Variants in TNFRSF25 observed in about 807,000 individuals in gnomAD.
TNFRSF25 encodes tumor necrosis factor receptor superfamily member 25.
A neutral mutation model predicts 49.4 loss-of-function variants in TNFRSF25; 28 were observed. That is an observed-to-expected ratio of 0.57 (90% CI 0.42 to 0.78). TNFRSF25 has a LOEUF of 0.78. TNFRSF25 is among the 30% of genes least tolerant of loss of function. The pLI, the probability that TNFRSF25 is intolerant of heterozygous loss-of-function variation, is 0.00. For missense variants in TNFRSF25, 531 were observed against 581.6 expected, an observed-to-expected ratio of 0.91 and a Z score of 0.90; for synonymous variants, 240 against 234.2, an observed-to-expected ratio of 1.02 and a Z score of -0.23.
At chr1:6,463,406 T>C in intron 5 of TNFRSF25, 3 of 545,616 alleles carry the variant, frequency 5.5e-6, no homozygotes, top group Middle Eastern at 4.9e-4. Flanking sequence ...TAGAACAGTG[T>C]GTAGAACATA....
rs45599832 is a variant in TNFRSF25, at chr1:6,464,307, G to T, written c.542+68C>A. On this transcript the variant is annotated intron_variant, in intron 5 of 9. Transcript: ENST00000356876. ...TCCTATTCCTGAACCAGCAGCACCT[G>T]CCCCACCCCAGGCCCCTGCTCTGCT... 1.4e-3 allele frequency: 2,243 copies of T among 1,554,838 alleles called. 25 individuals carry two copies. In the African/African-American group the frequency reaches 0.027, roughly 19 times the overall value.
chr1:6,462,620 G>A lies in TNFRSF25; in HGVS notation c.744+9C>T, dbSNP rs202239674. The A allele has an allele frequency of 1.7e-5, 27 of 1,612,854 alleles. No individual in the cohort carries two copies. Among genetic ancestry groups the A allele is most frequent in the Non-Finnish European group, 2.3e-5 (27 of 1,179,424 alleles). On this transcript the variant is annotated intron_variant, in intron 8 of 9. Coordinates refer to ENST00000356876, the MANE Select transcript of TNFRSF25 (RefSeq NM_003790.3). This position sits in a 1 kb window ranked among gnomAD's most constrained non-coding sequence, Gnocchi z 4.2. ...AAGGCAGCCCAGAATCACACAGTGA[G>A]GTTCTTACCGGTGGTGGGGTCAGAG...
Position 6,465,464 on chromosome 1 carries a change from A to G in TNFRSF25, c.136T>C (p.Phe46Leu), listed in dbSNP as rs758036486. 16 of 1,613,972 alleles carry G rather than the reference A, an allele frequency of 9.9e-6. No homozygotes were observed. Among genetic ancestry groups the G allele is most frequent in the Non-Finnish European group, 1.4e-5 (16 of 1,179,984 alleles). Residue 46 changes from phenylalanine (F) to leucine (L), a missense_variant, in exon 2 of 10, where the codon TTT (phenylalanine) becomes CTT (leucine). Phe to Leu is a conservative substitution (Grantham distance 22). Coordinates refer to ENST00000356876, the MANE Select transcript of TNFRSF25 (RefSeq NM_003790.3). Reference protein sequence around the residue: ...AGDFHKKIGLFCCRGCPAGHY... With the variant: ...AGDFHKKIGLLCCRGCPAGHY... ...CCCGCTGGGCAGCCTCTGCAACAAA[A>G]CAGACCAATCTTCTTGTGGAAGTCA... is the stretch of plus-strand genomic sequence containing the variant.
At chr1:6,465,730 C>CCG in intron 1 of TNFRSF25, 170 bp from the exon 2 acceptor site, 1 of 1,433,770 alleles carries the variant, frequency 7.0e-7, no homozygotes, top group African/African-American at 1.4e-5. Context: ...TTCCTTCCCC[C>CCG]CGCGCACACA....
chr1:6,462,965 A>G lies in TNFRSF25; in HGVS notation c.604T>C (p.Trp202Arg). The change falls in exon 7 of 10, where the codon TGG becomes CGG. Residue 202 changes from tryptophan to arginine, a missense_variant. Coordinates refer to ENST00000356876, the MANE Select transcript of TNFRSF25 (RefSeq NM_003790.3). This position sits in a 1 kb window ranked among gnomAD's most constrained non-coding sequence, Gnocchi z 4.2. ...AAVCGWRQMF[W>R]VQVLLAGLVV... The stretch of plus-strand genomic sequence containing the variant: ...AGGCCAGCCAGGAGCACCTGGACCC[A>G]GAACACTGAAAGCAGCTGGTGGGTG... 4 of 1,593,244 alleles carry G rather than the reference A, an allele frequency of 2.5e-6. No homozygotes were observed. Among genetic ancestry groups the G allele is most frequent in the Non-Finnish European group, 3.4e-6 (4 of 1,169,440 alleles).
Position 6,461,963 on chromosome 1 carries a change from G to C in TNFRSF25, c.925+31C>G, listed in dbSNP as rs371074429. 7.6e-6 allele frequency: 12 copies of C among 1,577,398 alleles called. No individual in the cohort carries two copies. The highest frequency in any genetic ancestry group is 9.4e-6 in the Non-Finnish European group (11 of 1,164,678). ...TTCCCACCGCAGACAGGAGAATGGGGTCAAGGCCTCAGGCCACTGATGTCC... is the reference window on the plus strand; with the variant it reads ...TTCCCACCGCAGACAGGAGAATGGGCTCAAGGCCTCAGGCCACTGATGTCC... On this transcript the variant is annotated intron_variant, in intron 9 of 9. Coordinates refer to ENST00000356876, the MANE Select transcript of TNFRSF25 (RefSeq NM_003790.3). This position sits in a 1 kb window ranked among gnomAD's most constrained non-coding sequence, Gnocchi z 6.3.
At chr1:6,466,030 G>A (rs1427631745) in intron 1 of TNFRSF25, 39 bp downstream of exon 1, 5 of 1,563,956 alleles carry the variant, frequency 3.2e-6, no homozygotes, top group Non-Finnish European at 4.3e-6. Flanking sequence ...CTTGGGACAG[G>A]GCTCAAAGCT....
Position 6,461,104 on chromosome 1 carries a change from G to C in TNFRSF25, c.*330C>G, listed in dbSNP as rs1644156947. ...GTCCCCTTCGAATCCCTCGAGAAAA[G>C]TCCAGTCCACTTAACACCCCAGCCC... On this transcript the variant is annotated 3_prime_UTR_variant, in exon 10 of 10. Transcript: ENST00000356876. This position sits in a 1 kb window ranked among gnomAD's most constrained non-coding sequence, Gnocchi z 6.3. 3 of 559,858 alleles carry C rather than the reference G, an allele frequency of 5.4e-6. No individual in the cohort carries two copies. 34.7% of individuals were successfully genotyped at this position (559,858 alleles called of 1,614,324 possible).
chr1:6,464,343 C>G, intron 5 of TNFRSF25, 32 bp downstream of exon 5: 1 of 1,585,250 alleles, frequency 6.3e-7, no homozygotes, highest in Non-Finnish European at 8.6e-7. Context: ...CCCAGCCGCC[C>G]TTCCCTCCAT....
chr1:6,461,662 G>A lies in TNFRSF25; in HGVS notation c.1026C>T (p.Val342=), dbSNP rs1644175997. ...GPQLYDVMDA[V]PARRWKEFVR... ...CGAACTCCTTCCAGCGCCGCGCTGG[G>A]ACCGCGTCCATCACGTCGTAGAGCT... Residue 342 remains valine (V), a synonymous_variant, in exon 10 of 10, where the codon GTC becomes GTT. Transcript: ENST00000356876. This position sits in a 1 kb window ranked among gnomAD's most constrained non-coding sequence, Gnocchi z 6.3. 2 of 1,600,122 alleles carry A rather than the reference G, an allele frequency of 1.2e-6. No individual in the cohort carries two copies. The highest frequency in any genetic ancestry group is 1.7e-6 in the Non-Finnish European group (2 of 1,177,296).
chr1:6,465,019 G>A (rs987081214), intron 3 of TNFRSF25, 69 bp downstream of exon 3: 275 of 1,558,792 alleles, frequency 1.8e-4, no homozygotes, highest in Middle Eastern at 3.7e-4. Context: ...GTTTGGGCCC[G>A]AGCCAGCCAC....
In TNFRSF25 at chr1:6,464,602, CAGT is replaced by C; in HGVS notation, c.410_412del (p.Tyr137del). On this transcript the variant is annotated inframe_deletion, in exon 4 of 10. Transcript: ENST00000356876. ...GGCCCCGCAGTCTAGGCATGGTTGG[CAGT>C]AGAAGGGTGAACTGCTGACACATTG... The C allele has an allele frequency of 7.4e-6, 12 of 1,614,108 alleles. No homozygotes were observed. The highest frequency in any genetic ancestry group is 1.0e-5 in the Non-Finnish European group (12 of 1,180,032).
At position 6,462,679 on chromosome 1, in the gene TNFRSF25, G is replaced by C; in HGVS notation, c.707-13C>G. ...CCAGCTTCATCTGCTGACAGACACA[G>C]AGAGATTGCGGTCAGCCACCAGGCA... is the stretch of plus-strand genomic sequence containing the variant. On this transcript the variant is annotated splice_polypyrimidine_tract_variant and intron_variant, in intron 7 of 9. Coordinates refer to ENST00000356876, the MANE Select transcript of TNFRSF25 (RefSeq NM_003790.3). The surrounding 1 kb of genome is among the most constrained non-coding windows in gnomAD (Gnocchi z 4.2). The C allele has an allele frequency of 6.2e-7, 1 of 1,613,406 alleles. No homozygotes were observed. Among genetic ancestry groups the C allele is most frequent in the Non-Finnish European group, 8.5e-7 (1 of 1,179,606 alleles).
rs1059334 is a variant in TNFRSF25 at position 6,461,581 on chromosome 1, G to A, written c.1107C>T (p.Gly369=). The A allele has an allele frequency of 6.2e-7, 1 of 1,610,474 alleles. No individual in the cohort carries two copies. Among genetic ancestry groups the A allele is most frequent in the Non-Finnish European group, 8.5e-7 (1 of 1,179,496 alleles). The change falls in exon 10 of 10, where the codon GGC becomes GGT. Residue 369 remains glycine, a synonymous_variant. Coordinates refer to ENST00000356876, the MANE Select transcript of TNFRSF25 (RefSeq NM_003790.3). The surrounding 1 kb of genome is among the most constrained non-coding windows in gnomAD (Gnocchi z 6.3). Reference sequence around the variant, plus strand: ...TCTCGTACTGCTGGTCTCGGAAGCGGCCGATCTCCACCTCCACGGCTTCGA... The same window carrying A: ...TCTCGTACTGCTGGTCTCGGAAGCGACCGATCTCCACCTCCACGGCTTCGA... ...AEIEAVEVEI[G]RFRDQQYEML... is the part of the protein sequence containing the mutation.
chr1:6,465,313 C>A lies in TNFRSF25; in HGVS notation c.161-91G>T, dbSNP rs1644316295. 8 of 1,196,436 alleles carry A rather than the reference C, an allele frequency of 6.7e-6. No individual in the cohort carries two copies. The Admixed American group carries it at 1.4e-4, about 21-fold the overall frequency. 74.1% of individuals were successfully genotyped at this position (1,196,436 alleles called of 1,614,324 possible). A position where few individuals can be genotyped will look rare whatever the true frequency, so the allele number is the denominator to read the frequency against. Reference sequence around the variant, plus strand: ...CCCTGCCCTCCCTCCCTCTTTCTCTCCAGCTCCCTACTTCTCTGTCAGCCT... The same window carrying A: ...CCCTGCCCTCCCTCCCTCTTTCTCTACAGCTCCCTACTTCTCTGTCAGCCT... On this transcript the variant is annotated intron_variant, in intron 2 of 9. Transcript: ENST00000356876.
Position 6,462,370 on chromosome 1 carries a change from C to T in TNFRSF25, c.745-196G>A. On this transcript the variant is annotated intron_variant, in intron 8 of 9. Transcript: ENST00000356876. This position sits in a 1 kb window ranked among gnomAD's most constrained non-coding sequence, Gnocchi z 4.2. ...GCCTTGAGTCCCCTGCCCCCGCCTC[C>T]TTCCTCTTGTCCCCCAGCACCATGG... is the stretch of plus-strand genomic sequence containing the variant. The T allele has an allele frequency of 8.6e-7, 1 of 1,159,016 alleles. No homozygotes were observed. Among genetic ancestry groups the T allele is most frequent in the Non-Finnish European group, 1.2e-6 (1 of 847,188 alleles). 71.8% of individuals were successfully genotyped at this position (1,159,016 alleles called of 1,614,324 possible). A position where few individuals can be genotyped will look rare whatever the true frequency, so the allele number is the denominator to read the frequency against.
rs1644210005 is a variant in TNFRSF25 at position 6,462,614 on chromosome 1, C to T, written c.744+15G>A. 2.5e-6 allele frequency: 4 copies of T among 1,611,708 alleles called. No homozygotes were observed. Among genetic ancestry groups the T allele is most frequent in the Non-Finnish European group, 3.4e-6 (4 of 1,178,994 alleles). ...CTCCAGAAGGCAGCCCAGAATCACA[C>T]AGTGAGGTTCTTACCGGTGGTGGGG... On this transcript the variant is annotated intron_variant, in intron 8 of 9. Transcript: ENST00000356876. The surrounding 1 kb of genome is among the most constrained non-coding windows in gnomAD (Gnocchi z 4.2).
Position 6,462,575 on chromosome 1 carries a change from G to A in TNFRSF25, c.744+54C>T. On this transcript the variant is annotated intron_variant, in intron 8 of 9. Coordinates refer to ENST00000356876, the MANE Select transcript of TNFRSF25 (RefSeq NM_003790.3). The surrounding 1 kb of genome is among the most constrained non-coding windows in gnomAD (Gnocchi z 4.2). ...GCCAAGCTCCAGGGATCATAGTAAG[G>A]CTTGATCTTCCAGCTCCAGAAGGCA... 1.3e-6 allele frequency: 2 copies of A among 1,595,220 alleles called. No individual in the cohort carries two copies. Among genetic ancestry groups the A allele is most frequent in the Non-Finnish European group, 1.7e-6 (2 of 1,171,436 alleles).
chr1:6,462,472 G>C lies in TNFRSF25; in HGVS notation c.744+157C>G. The C allele has an allele frequency of 6.7e-7, 1 of 1,485,076 alleles. No individual in the cohort carries two copies. The highest frequency in any genetic ancestry group is 8.9e-7 in the Non-Finnish European group (1 of 1,117,492). The allele number at this position is 1,485,076 out of a possible 1,614,324, so 92.0% of individuals were successfully genotyped here. On this transcript the variant is annotated intron_variant, in intron 8 of 9. Coordinates refer to ENST00000356876, the MANE Select transcript of TNFRSF25 (RefSeq NM_003790.3). The surrounding 1 kb of genome is among the most constrained non-coding windows in gnomAD (Gnocchi z 4.2). Reference sequence around the variant, plus strand: ...CTGACTGAGCACCCCTTGAGGGCAGGCACTGTGCTGGTCTCATCCACTGAT... The same window carrying C: ...CTGACTGAGCACCCCTTGAGGGCAGCCACTGTGCTGGTCTCATCCACTGAT...
Sources: allele counts gnomAD v4.1 joint callset, GRCh38; gene constraint gnomAD v4.1.1; non-coding constraint Gnocchi (gnomAD v3.1); transcripts MANE v1.5; gene names NCBI Gene and HGNC (gene_info 2026-07-23, HGNC 2026-07-21).